DMAC2L: variants seen among roughly 807,000 people sequenced by gnomAD.
DMAC2L encodes ATP synthase subunit s, mitochondrial.
Under a neutral mutation model 22.5 loss-of-function variants are expected in DMAC2L, and 21 were observed. That is an observed-to-expected ratio of 0.93 (90% CI 0.66 to 1.34). The LOEUF is 1.34. Ranked by LOEUF, DMAC2L falls within the 40% of genes most tolerant of loss-of-function variation. The probability of loss-of-function intolerance (pLI) is 0.00; values close to 1 mark genes in which losing one functional copy is unlikely to be tolerated. For missense variants in DMAC2L, 239 were observed against 246.5 expected, an observed-to-expected ratio of 0.97 and a Z score of 0.20; for synonymous variants, 86 against 89.5, an observed-to-expected ratio of 0.96 and a Z score of 0.22.
chr14:50,317,782 AAGG>A (rs1419455481), intron 2 of DMAC2L, among the ~76,000 whole-genome samples: 1 of 151,834 alleles, frequency 6.6e-6, no homozygotes, highest in Non-Finnish European at 1.5e-5. Context: ...AAAAAAAAAA[AAGG>A]GGGGTGGTGG....
intron 1 of DMAC2L, chr14:50,312,769 C>T: frequency 4.0e-6 from 2 of 498,342 alleles, no homozygotes; most frequent in South Asian, 2.7e-5. Context: ...GCTCCCTGTC[C>T]GGCCCTAATC....
intron 2 of DMAC2L, among the ~76,000 whole-genome samples, chr14:50,319,560 C>T (rs1188694300): frequency 6.6e-6 from 1 of 152,138 alleles, no homozygotes; most frequent in Non-Finnish European, 1.5e-5. Flanking sequence ...TAATACCCCA[C>T]CTTGTTTCAG....
rs2032723080 is a variant in DMAC2L, at chr14:50,326,821, A to C, written c.*1098A>C. The C allele has an allele frequency of 1.1e-6, 1 of 931,882 alleles. No homozygotes were observed. The highest frequency in any genetic ancestry group is 1.3e-6 in the Non-Finnish European group (1 of 781,410). 57.7% of individuals were successfully genotyped at this position (931,882 alleles called of 1,614,324 possible). On this transcript the variant is annotated 3_prime_UTR_variant, in exon 6 of 6. Coordinates refer to ENST00000557421, the MANE Select transcript of DMAC2L (RefSeq NM_001382507.1). ...TTTGGGAGGCTGAGGTGGGAGGATC[A>C]CTTGAGACCAGGAGTTTGAGACCAA...
At chr14:50,316,934 A>G (rs1025147684) in intron 2 of DMAC2L, among the ~76,000 whole-genome samples, 1 of 152,072 alleles carries the variant, frequency 6.6e-6, no homozygotes, top group African/African-American at 2.4e-5. Flanking sequence ...CTGAAGAATG[A>G]TGGTATTTTT....
chr14:50,318,258 CTCAAG>C (rs1393219033), intron 2 of DMAC2L, among the ~76,000 whole-genome samples: 1 of 152,208 alleles, frequency 6.6e-6, no homozygotes, highest in African/African-American at 2.4e-5. Context: ...ACTGTTTGGA[CTCAAG>C]TAGGAATAAT....
rs1194098741 is a variant in DMAC2L at position 50,323,146 on chromosome 14, C to T, written c.316+427C>T. 24 of 570,716 alleles carry T rather than the reference C, an allele frequency of 4.2e-5. No individual in the cohort carries two copies. In the East Asian group the frequency reaches 8.8e-4, roughly 21 times the overall value. The allele number at this position is 570,716 out of a possible 1,614,324, so 35.4% of individuals were successfully genotyped here. On this transcript the variant is annotated intron_variant, in intron 4 of 5. Coordinates refer to ENST00000557421, the MANE Select transcript of DMAC2L (RefSeq NM_001382507.1). ...TGTCGCCTAGGCTGGAGTGCAGTGG[C>T]GCGATCTCAGCTCACTGCAAGCTCT...
chr14:50,317,858 G>A (rs756660238), intron 2 of DMAC2L, among the ~76,000 whole-genome samples: 14 of 151,922 alleles, frequency 9.2e-5, no homozygotes, highest in African/African-American at 1.7e-4. Flanking sequence ...AACTTTCCCC[G>A]TTCATATTAT....
chr14:50,323,096 T>C (rs1286548469), intron 4 of DMAC2L: 2 of 933,680 alleles, frequency 2.1e-6, no homozygotes, highest in African/African-American at 3.6e-5. Flanking sequence ...TTTCTTTTTT[T>C]TTTTTTTGAG....
At chr14:50,321,396 A>C (rs2032258247) in intron 2 of DMAC2L, 87 bp from the exon 3 acceptor site, 1 of 1,489,788 alleles carries the variant, frequency 6.7e-7, no homozygotes, top group African/African-American at 1.4e-5. Context: ...CAGCTTTATC[A>C]GTACAAGAGC....
chr14:50,314,864 A>G (rs924708563), intron 2 of DMAC2L, among the ~76,000 whole-genome samples: 9 of 151,270 alleles, frequency 5.9e-5, no homozygotes, highest in African/African-American at 2.2e-4. Context: ...CTGGTCTTGA[A>G]CTCCTGACCT....
Position 50,327,037 on chromosome 14 carries a change from G to T in DMAC2L, c.*1314G>T, listed in dbSNP as rs1415173777. ...AGCCTGGTAGCCTGGGTGAAAGGGG[G>T]AGACCCTGTCTCTTAAAAAAAAGGG... On this transcript the variant is annotated 3_prime_UTR_variant, in exon 6 of 6. Coordinates refer to ENST00000557421, the MANE Select transcript of DMAC2L (RefSeq NM_001382507.1). 2 of 152,028 alleles carry T rather than the reference G, an allele frequency of 1.3e-5. No homozygotes were observed. Among genetic ancestry groups the T allele is most frequent in the Non-Finnish European group, 2.9e-5 (2 of 68,108 alleles). The allele number at this position is 152,028 out of a possible 1,614,324, so 9.4% of individuals were successfully genotyped here. A position where few individuals can be genotyped will look rare whatever the true frequency, so the allele number is the denominator to read the frequency against.
At chr14:50,318,575 AT>A (rs2032006354) in intron 2 of DMAC2L, among the ~76,000 whole-genome samples, 1 of 152,262 alleles carries the variant, frequency 6.6e-6, no homozygotes, top group South Asian at 2.1e-4. Flanking sequence ...AAGACTATTA[AT>A]AAACAAATAT....
At chr14:50,325,289 T>A (rs1595225562) in intron 5 of DMAC2L, among the ~76,000 whole-genome samples, 1 of 152,242 alleles carries the variant, frequency 6.6e-6, no homozygotes, top group Non-Finnish European at 1.5e-5. Context: ...GTAGAAACTC[T>A]AGTATCTAAG....
intron 1 of DMAC2L, among the ~76,000 whole-genome samples, chr14:50,313,356 AG>A (rs2031438851): frequency 6.6e-6 from 1 of 152,194 alleles, no homozygotes. Context: ...TCAGTGAACT[AG>A]GAATGATAGC....
Position 50,323,986 on chromosome 14 carries a change from C to A in DMAC2L, c.358C>A (p.His120Asn). 1.2e-6 allele frequency: 2 copies of A among 1,613,648 alleles called. No individual in the cohort carries two copies. Among genetic ancestry groups the A allele is most frequent in the South Asian group, 2.2e-5 (2 of 90,942 alleles). Residue 120 changes from histidine to asparagine, a missense_variant, in exon 5 of 6, where the codon CAT becomes AAT. Coordinates refer to ENST00000557421, the MANE Select transcript of DMAC2L (RefSeq NM_001382507.1). ...TGAAAAAATAAGGCTGTGCAAGTGT[C>A]ATTATATCGAGGATGACTGTTTGCT... ...HVEKIRLCKC[H>N]YIEDDCLLRL... is the part of the protein sequence containing the mutation.
intron 1 of DMAC2L, chr14:50,313,167 ACT>A: frequency 1.1e-6 from 1 of 934,526 alleles, no homozygotes; most frequent in Non-Finnish European, 1.7e-6. Context: ...TGTTGCTAAC[ACT>A]CATTCTGTAT....
chr14:50,323,889 A>G (rs1660481796), intron 4 of DMAC2L, 56 bp from the exon 5 acceptor site: 1 of 1,464,892 alleles, frequency 6.8e-7, no homozygotes, highest in South Asian at 1.3e-5. Context: ...GCAAACCAGG[A>G]CAGTTTGTCA....
intron 2 of DMAC2L, among the ~76,000 whole-genome samples, chr14:50,318,726 AACT>A (rs2032020303): frequency 6.6e-6 from 1 of 152,104 alleles, no homozygotes; most frequent in South Asian, 2.1e-4. Context: ...ACTAACTGAA[AACT>A]CTTAATCATT....
Position 50,327,267 on chromosome 14 carries a change from CGAG to C in DMAC2L, c.*1546_*1548del, listed in dbSNP as rs1206498631. On this transcript the variant is annotated 3_prime_UTR_variant, in exon 6 of 6. Transcript: ENST00000557421. ...GGAGGATCAGTTGAGCCCGGGAAGT[CGAG>C]GCTGCAGTGAGCCATGTTGGCACCA... is the stretch of plus-strand genomic sequence containing the variant. 1 of 148,960 alleles carries C rather than the reference CGAG, an allele frequency of 6.7e-6. No homozygotes were observed. The highest frequency in any genetic ancestry group is 1.5e-5 in the Non-Finnish European group (1 of 67,618). The allele number at this position is 148,960 out of a possible 1,614,324, so 9.2% of individuals were successfully genotyped here.
Sources: allele counts gnomAD v4.1 joint callset (sites outside exome capture counted in the v4.1 genomes callset), GRCh38; gene constraint gnomAD v4.1.1; transcripts MANE v1.5; gene names NCBI Gene and HGNC (gene_info 2026-07-23, HGNC 2026-07-21).